The following ABTB3 variants were observed in gnomAD, a reference collection of about 807,000 sequenced individuals.
ABTB3 encodes ankyrin repeat- and BTB/POZ domain-containing protein 3.
chr12:107,600,461 T>C, the ABTB3 span, among the ~76,000 whole-genome samples: 7 of 152,350 alleles, frequency 4.6e-5, no homozygotes, highest in South Asian at 1.0e-3. Context: ...GTGCCTTTGG[T>C]TATTGTTATT....
At chr12:107,552,573 G>C in the ABTB3 span, among the ~76,000 whole-genome samples, 1 of 152,168 alleles carries the variant, frequency 6.6e-6, no homozygotes, top group Non-Finnish European at 1.5e-5. Context: ...AGCATGACTT[G>C]TTTGTTCTGT....
the ABTB3 span, chr12:107,615,211 C>G: frequency 6.9e-7 from 1 of 1,439,380 alleles, no homozygotes; most frequent in South Asian, 1.2e-5. Context: ...TTTACCTCTT[C>G]CATAACACAC....
At chr12:107,419,773 C>T in the ABTB3 span, among the ~76,000 whole-genome samples, 4 of 152,160 alleles carry the variant, frequency 2.6e-5, no homozygotes, top group Non-Finnish European at 2.9e-5. Flanking sequence ...TCGTCCTCAT[C>T]GTTAATTTCA....
chr12:107,350,418 T>TG, the ABTB3 span, among the ~76,000 whole-genome samples: 4 of 151,042 alleles, frequency 2.6e-5, no homozygotes, highest in African/African-American at 7.3e-5. Context: ...CTGGGCGTGG[T>TG]GGGGGGCGCC....
chr12:107,377,479 C>A, the ABTB3 span, among the ~76,000 whole-genome samples: 3 of 151,784 alleles, frequency 2.0e-5, no homozygotes, highest in African/African-American at 7.2e-5. Context: ...ATGCTCATCT[C>A]CATCTCCTTA....
chr12:107,577,239 T>C, the ABTB3 span, among the ~76,000 whole-genome samples: 3 of 152,198 alleles, frequency 2.0e-5, no homozygotes, highest in Non-Finnish European at 2.9e-5. Flanking sequence ...AAAGGTTTGC[T>C]GAGCCCTGAA....
chr12:107,628,286 T>G, the ABTB3 span, among the ~76,000 whole-genome samples: 2 of 152,148 alleles, frequency 1.3e-5, no homozygotes, highest in Non-Finnish European at 2.9e-5. Context: ...GATTAACAGG[T>G]GCCTGCCACC....
the ABTB3 span, chr12:107,620,169 GT>G: frequency 6.2e-7 from 1 of 1,613,862 alleles, no homozygotes; most frequent in East Asian, 2.2e-5. Flanking sequence ...AGCAAGGTAT[GT>G]GGGGTTTGAG....
At chr12:107,592,366 G>T in the ABTB3 span, among the ~76,000 whole-genome samples, 1 of 152,138 alleles carries the variant, frequency 6.6e-6, no homozygotes, top group South Asian at 2.1e-4. Flanking sequence ...AACTTGAAAA[G>T]ACATAATTGT....
chr12:107,523,727 G>A, the ABTB3 span, among the ~76,000 whole-genome samples: 8 of 152,186 alleles, frequency 5.3e-5, no homozygotes, highest in African/African-American at 1.2e-4. Context: ...TACTCGGGGC[G>A]TTCAGAGGCA....
chr12:107,567,622 T>C, the ABTB3 span, among the ~76,000 whole-genome samples: 1 of 152,184 alleles, frequency 6.6e-6, no homozygotes, highest in Admixed American at 6.5e-5. Flanking sequence ...AGACCAGTAC[T>C]GTTCCATGGC....
the ABTB3 span, among the ~76,000 whole-genome samples, chr12:107,609,263 A>G: frequency 2.0e-5 from 3 of 152,228 alleles, 1 homozygote; most frequent in South Asian, 6.2e-4. Context: ...CCTAGAAGAG[A>G]GCTTAGCACA....
the ABTB3 span, among the ~76,000 whole-genome samples, chr12:107,394,738 A>C: frequency 6.6e-6 from 1 of 152,256 alleles, no homozygotes; most frequent in Non-Finnish European, 1.5e-5. Context: ...AGCATTTAGA[A>C]CAATGCCTGG....
chr12:107,619,892 G>A, the ABTB3 span: 1 of 1,246,598 alleles, frequency 8.0e-7, no homozygotes, highest in Admixed American at 2.8e-5. Context: ...CCAACTTCCA[G>A]ATAAAAACTC....
At chr12:107,574,962 C>T in the ABTB3 span, among the ~76,000 whole-genome samples, 2 of 152,308 alleles carry the variant, frequency 1.3e-5, no homozygotes, top group South Asian at 2.1e-4. Context: ...CTGTGGCCAC[C>T]TCTTACCTCT....
At chr12:107,398,155 A>T in the ABTB3 span, among the ~76,000 whole-genome samples, 2 of 151,830 alleles carry the variant, frequency 1.3e-5, no homozygotes, top group Non-Finnish European at 2.9e-5. Context: ...CAGCTCTGGC[A>T]TTGGGTTGGG....
At chr12:107,550,018 C>T in the ABTB3 span, among the ~76,000 whole-genome samples, 5 of 152,116 alleles carry the variant, frequency 3.3e-5, no homozygotes, top group South Asian at 4.1e-4. Flanking sequence ...GATGACTGGG[C>T]GAACTGCTAC....
chr12:107,428,731 G>A, the ABTB3 span, among the ~76,000 whole-genome samples: 1 of 152,244 alleles, frequency 6.6e-6, no homozygotes, highest in East Asian at 1.9e-4. Context: ...ATTGGGGAAA[G>A]TCCAAACTAA....
the ABTB3 span, among the ~76,000 whole-genome samples, chr12:107,326,619 G>A: frequency 6.6e-6 from 1 of 152,072 alleles, no homozygotes. Flanking sequence ...CATTTTTTCT[G>A]ATCCCTGCTT....
Sources: allele counts gnomAD v4.1 joint callset (sites outside exome capture counted in the v4.1 genomes callset), GRCh38; gene constraint gnomAD v4.1.1; transcripts MANE v1.5; gene names NCBI Gene and HGNC (gene_info 2026-07-23, HGNC 2026-07-21).